Variants in ANKRD17 observed in about 807,000 individuals in gnomAD.
ANKRD17 encodes ankyrin repeat domain-containing protein 17.
A neutral mutation model predicts 229.7 loss-of-function variants in ANKRD17; 19 were observed. The ratio of observed to expected loss-of-function variants is 0.08; its 90% CI spans 0.06 to 0.12. The LOEUF (loss-of-function observed/expected upper bound fraction) is 0.12. ANKRD17 is among the 10% of genes least tolerant of loss of function. ANKRD17 has a pLI of 1.00. For synonymous variants in ANKRD17, 1,112 were observed against 1,146.1 expected, an observed-to-expected ratio of 0.97 and a Z score of 0.60; for missense variants, 2,176 against 3,176.8, an observed-to-expected ratio of 0.68 and a Z score of 7.57.
At chr4:73,124,089 AC>A (rs1473056649) in intron 18 of ANKRD17, among the ~76,000 whole-genome samples, 1 of 152,066 alleles carries the variant, frequency 6.6e-6, no homozygotes, top group African/African-American at 2.4e-5. Flanking sequence ...CTGTGGGGAA[AC>A]AAAAAAGGCA....
chr4:73,232,036 T>A (rs922871623), intron 1 of ANKRD17, among the ~76,000 whole-genome samples: 8 of 152,194 alleles, frequency 5.3e-5, no homozygotes, highest in Admixed American at 6.5e-5. Context: ...CAATAAAATG[T>A]ATTAAACATA....
At chr4:73,130,802 C>T (rs1407457041) in intron 16 of ANKRD17, among the ~76,000 whole-genome samples, 1 of 151,796 alleles carries the variant, frequency 6.6e-6, no homozygotes, top group African/African-American at 2.4e-5. Flanking sequence ...GTAGTGGCTC[C>T]TAGAATCGAT....
chr4:73,126,889 C>T (rs981369708), intron 16 of ANKRD17, among the ~76,000 whole-genome samples: 9 of 152,170 alleles, frequency 5.9e-5, no homozygotes, highest in African/African-American at 1.7e-4. Flanking sequence ...TCTGCCACCA[C>T]GCCCAGCTAG....
chr4:73,197,667 T>TA (rs201945354), intron 1 of ANKRD17, among the ~76,000 whole-genome samples: 6 of 152,114 alleles, frequency 3.9e-5, no homozygotes, highest in East Asian at 1.9e-4. Flanking sequence ...CCATCTCTAT[T>TA]AAAAAAATTT....
chr4:73,151,078 C>G (rs1316912819), intron 7 of ANKRD17, among the ~76,000 whole-genome samples: 4 of 151,954 alleles, frequency 2.6e-5, no homozygotes, highest in Non-Finnish European at 4.4e-5. Context: ...CCAGGCTGGT[C>G]TTGAACTGCT....
intron 24 of ANKRD17, among the ~76,000 whole-genome samples, chr4:73,112,141 G>C (rs1467887781): frequency 6.6e-6 from 1 of 152,094 alleles, no homozygotes; most frequent in Non-Finnish European, 1.5e-5. Flanking sequence ...GAAGTGGTGT[G>C]GGTAGGCAGA....
intron 6 of ANKRD17, among the ~76,000 whole-genome samples, chr4:73,153,553 T>A (rs1303711034): frequency 6.6e-6 from 1 of 152,162 alleles, no homozygotes; most frequent in Non-Finnish European, 1.5e-5. Flanking sequence ...TTCATTGACA[T>A]CATTTAAAAT....
At chr4:73,090,573 C>A in intron 29 of ANKRD17, 94 bp downstream of exon 29, 1 of 1,470,832 alleles carries the variant, frequency 6.8e-7, no homozygotes, top group South Asian at 1.2e-5. Flanking sequence ...TTGTCTATAT[C>A]GTCCAGAGAA....
intron 3 of ANKRD17, among the ~76,000 whole-genome samples, chr4:73,156,425 A>T (rs922761152): frequency 6.6e-6 from 1 of 152,100 alleles, no homozygotes; most frequent in Non-Finnish European, 1.5e-5. Context: ...TTGGATTTTT[A>T]TGTCAAATCT....
Position 73,076,357 on chromosome 4 carries a change from T to C in ANKRD17, c.7753-67A>G. The C allele has an allele frequency of 3.9e-6, 5 of 1,273,040 alleles. No homozygotes were observed. In the South Asian group the frequency reaches 7.0e-5, roughly 18 times the overall value. 78.9% of individuals were successfully genotyped at this position (1,273,040 alleles called of 1,614,324 possible). A position where few individuals can be genotyped will look rare whatever the true frequency, so the allele number is the denominator to read the frequency against. On this transcript the variant is annotated intron_variant, in intron 33 of 33. Coordinates refer to ENST00000358602, the MANE Select transcript of ANKRD17 (RefSeq NM_032217.5). ...CATATATTTTATTAAAATAAAACTT[T>C]TAAAAAACTAAGGAGGTACTCTTCA...
intron 24 of ANKRD17, among the ~76,000 whole-genome samples, chr4:73,111,361 GCTA>G (rs1560530729): frequency 6.6e-6 from 1 of 152,108 alleles, no homozygotes; most frequent in Non-Finnish European, 1.5e-5. Context: ...ATAACTGAGG[GCTA>G]CTAAGTGGAT....
At chr4:73,163,357 A>T (rs1264939672) in intron 2 of ANKRD17, among the ~76,000 whole-genome samples, 1 of 152,204 alleles carries the variant, frequency 6.6e-6, no homozygotes, top group African/African-American at 2.4e-5. Context: ...TGGTCCACTG[A>T]ATAGAAGCAC....
In ANKRD17 at chr4:73,125,272, G is replaced by A. The variant is rs750696678; in HGVS notation, c.3275C>T (p.Ala1092Val). 9 of 1,613,868 alleles carry A rather than the reference G, an allele frequency of 5.6e-6. No individual in the cohort carries two copies. Among genetic ancestry groups the A allele is most frequent in the Non-Finnish European group, 6.8e-6 (8 of 1,179,918 alleles). ...NHDTALTLAC[A>V]GGHEELVQTL... is the part of the protein sequence containing the mutation. ...TTGTACCAGTTCCTCGTGGCCACCA[G>A]CACAGGCAAGTGTTAGTGCCGTGTC... Residue 1092 changes from alanine to valine, a missense_variant, in exon 17 of 34, where the codon GCT (alanine) becomes GTT (valine). This residue lies in a region of ANKRD17 where 230 missense variants were observed against 252.3 expected (regional missense o/e 0.91). Coordinates refer to ENST00000358602, the MANE Select transcript of ANKRD17 (RefSeq NM_032217.5).
intron 15 of ANKRD17, among the ~76,000 whole-genome samples, chr4:73,137,357 G>A (rs1395406893): frequency 6.6e-6 from 1 of 152,102 alleles, no homozygotes; most frequent in African/African-American, 2.4e-5. Flanking sequence ...CAAGTGTGAA[G>A]AACAGGAAAG....
intron 1 of ANKRD17, among the ~76,000 whole-genome samples, chr4:73,197,064 T>A (rs555091952): frequency 6.6e-6 from 1 of 152,316 alleles, no homozygotes; most frequent in East Asian, 1.9e-4. Flanking sequence ...GGACACATTC[T>A]GATTAGGACC....
intron 16 of ANKRD17, among the ~76,000 whole-genome samples, chr4:73,131,109 A>G (rs1226666609): frequency 6.6e-6 from 1 of 152,206 alleles, no homozygotes. Context: ...TGGTTTCCTA[A>G]AACAGATTTT....
At chr4:73,100,343 C>T (rs890892668) in intron 25 of ANKRD17, among the ~76,000 whole-genome samples, 9 of 151,956 alleles carry the variant, frequency 5.9e-5, no homozygotes, top group South Asian at 2.1e-4. Context: ...GGGCCTGAAT[C>T]GACCATAAAG....
chr4:73,202,961 A>T (rs1560714841), intron 1 of ANKRD17, among the ~76,000 whole-genome samples: 1 of 152,236 alleles, frequency 6.6e-6, no homozygotes, highest in Non-Finnish European at 1.5e-5. Context: ...TAAAACTGAA[A>T]GATCAAATAG....
chr4:73,142,965 A>T (rs1729798218), intron 11 of ANKRD17, among the ~76,000 whole-genome samples, 198 bp from the exon 12 acceptor site: 1 of 152,202 alleles, frequency 6.6e-6, no homozygotes, highest in African/African-American at 2.4e-5. Flanking sequence ...CCCATCTTGG[A>T]TTATTCTAAA....
Sources: gnomAD v4.1 joint callset for allele counts (sites outside exome capture counted in the v4.1 genomes callset) on GRCh38, gnomAD v4.1.1 for gene constraint, gnomAD v4.1.1 regional missense constraint, MANE v1.5 for transcripts, NCBI Gene and HGNC (gene_info 2026-07-23, HGNC 2026-07-21) for gene names.